NKAIN2: variants seen among roughly 807,000 people sequenced by gnomAD.
NKAIN2 encodes sodium/potassium transporting ATPase interacting 2.
NKAIN2 carries 14 observed loss-of-function variants against 32.6 expected under a neutral mutation model. The ratio of observed to expected loss-of-function variants is 0.43; its 90% CI spans 0.28 to 0.67. The LOEUF (loss-of-function observed/expected upper bound fraction) is 0.67. Ranked by LOEUF, NKAIN2 falls within the 30% of genes least tolerant of loss-of-function variation. The pLI is 0.17. For missense variants in NKAIN2, 198 were observed against 258.3 expected (o/e 0.77, Z 1.60); for synonymous variants, 80 against 87.2 (o/e 0.92, Z 0.46).
intron 3 of NKAIN2, among the ~76,000 whole-genome samples, chr6:124,473,647 A>G (rs776144286): frequency 1.8e-4 from 27 of 152,296 alleles, no homozygotes; most frequent in Non-Finnish European, 2.4e-4. Flanking sequence ...TGAAAATGCC[A>G]TGACAATTTT....
intron 1 of NKAIN2, among the ~76,000 whole-genome samples, chr6:124,028,786 C>CAT (rs750480985): frequency 1.3e-4 from 18 of 140,588 alleles, no homozygotes; most frequent in Middle Eastern, 3.9e-3. Flanking sequence ...CATATATACG[C>CAT]ATATACGTGT....
At chr6:124,085,910 G>C (rs983085775) in intron 1 of NKAIN2, among the ~76,000 whole-genome samples, 13 of 151,788 alleles carry the variant, frequency 8.6e-5, no homozygotes, top group Non-Finnish European at 1.6e-4. Context: ...TTTCTTAGAT[G>C]TAAGTACAAA....
intron 4 of NKAIN2, among the ~76,000 whole-genome samples, chr6:124,724,515 T>G (rs2114640406): frequency 6.6e-6 from 1 of 152,346 alleles, no homozygotes; most frequent in Non-Finnish European, 1.5e-5. Flanking sequence ...CCCTTTGTTC[T>G]AGTTCAGTCC....
At chr6:124,322,234 A>C (rs1237439996) in intron 2 of NKAIN2, among the ~76,000 whole-genome samples, 2 of 152,232 alleles carry the variant, frequency 1.3e-5, no homozygotes, top group Non-Finnish European at 2.9e-5. Context: ...ATGATTTAAA[A>C]AATAACTCTA....
At chr6:124,675,667 C>T (rs1773323328) in intron 4 of NKAIN2, among the ~76,000 whole-genome samples, 1 of 151,840 alleles carries the variant, frequency 6.6e-6, no homozygotes, top group Admixed American at 6.6e-5. Flanking sequence ...CTCTTATAAT[C>T]CTTTGTATTT....
chr6:124,503,967 G>A (rs78826135), intron 3 of NKAIN2, among the ~76,000 whole-genome samples: 2,189 of 152,134 alleles, frequency 0.014, 48 homozygotes, highest in African/African-American at 0.049. Context: ...ATATTCATCC[G>A]GCAGAAATGT....
chr6:124,187,371 T>G (rs546508498), intron 1 of NKAIN2, among the ~76,000 whole-genome samples: 1 of 152,294 alleles, frequency 6.6e-6, no homozygotes, highest in Admixed American at 6.5e-5. Flanking sequence ...TAGTTTAAAT[T>G]TTGGCATAGA....
At chr6:124,052,951 A>T (rs1246016241) in intron 1 of NKAIN2, among the ~76,000 whole-genome samples, 1 of 152,006 alleles carries the variant, frequency 6.6e-6, no homozygotes, top group African/African-American at 2.4e-5. Flanking sequence ...AACTGAAAAG[A>T]GAGGGAGAGT....
At chr6:123,817,069 AG>A (rs1178194094) in intron 1 of NKAIN2, among the ~76,000 whole-genome samples, 2 of 152,136 alleles carry the variant, frequency 1.3e-5, no homozygotes, top group Non-Finnish European at 2.9e-5. Context: ...AGATGAAAGG[AG>A]CTGGAACAGA....
At chr6:124,553,504 T>C (rs776294713) in intron 3 of NKAIN2, among the ~76,000 whole-genome samples, 2 of 152,014 alleles carry the variant, frequency 1.3e-5, no homozygotes, top group Admixed American at 6.6e-5. Context: ...ATGGGGTTTC[T>C]CCATGTTGGT....
intron 1 of NKAIN2, among the ~76,000 whole-genome samples, chr6:123,986,433 A>G (rs376854052): frequency 1.3e-5 from 2 of 152,258 alleles, no homozygotes; most frequent in African/African-American, 2.4e-5. Flanking sequence ...GCCCAGGTAT[A>G]TATACTGGGG....
intron 4 of NKAIN2, among the ~76,000 whole-genome samples, chr6:124,788,237 A>T (rs963973786): frequency 3.3e-5 from 5 of 152,098 alleles, no homozygotes; most frequent in African/African-American, 1.2e-4. Flanking sequence ...TATTGCCTCA[A>T]TTGTTGACAG....
intron 1 of NKAIN2, among the ~76,000 whole-genome samples, chr6:123,817,145 G>C (rs1221403524): frequency 6.6e-6 from 1 of 152,078 alleles, no homozygotes; most frequent in East Asian, 1.9e-4. Flanking sequence ...GAATAGAAAT[G>C]TTTGTTTAAT....
At chr6:124,055,267 A>G (rs1782592423) in intron 1 of NKAIN2, among the ~76,000 whole-genome samples, 1 of 152,060 alleles carries the variant, frequency 6.6e-6, no homozygotes, top group African/African-American at 2.4e-5. Flanking sequence ...GGCAGCATAA[A>G]ACGAATGCAT....
intron 1 of NKAIN2, among the ~76,000 whole-genome samples, chr6:124,023,268 G>T (rs1780955388): frequency 6.6e-6 from 1 of 151,668 alleles, no homozygotes; most frequent in Non-Finnish European, 1.5e-5. Flanking sequence ...ATGTATGTGG[G>T]TATATTCATG....
rs1271100335 is a variant in NKAIN2 at position 123,911,805 on chromosome 6, A to ATATATATATG, written c.54+107559_54+107560insTGTATATATA. ...TACATATATATATATATATATGTAT[A>ATATATATATG]TATATATACACACACACACACACAC... On this transcript the variant is annotated intron_variant, in intron 1 of 6. Coordinates refer to ENST00000368417, the MANE Select transcript of NKAIN2 (RefSeq NM_001040214.3). Among the ~76,000 whole-genome samples the ATATATATATG allele has an allele frequency of 5.3e-4, 54 of 102,626 alleles. 2 individuals are homozygous for ATATATATATG. Among genetic ancestry groups the ATATATATATG allele is most frequent in the East Asian group, 7.7e-4 (3 of 3,878 alleles). The allele number at this position is 102,626 out of a possible 152,430, so 67.3% of individuals were successfully genotyped here. A position where few individuals can be genotyped will look rare whatever the true frequency, so the allele number is the denominator to read the frequency against.
chr6:123,855,300 AAAAT>A (rs1482256664), intron 1 of NKAIN2, among the ~76,000 whole-genome samples: 3 of 152,202 alleles, frequency 2.0e-5, no homozygotes, highest in African/African-American at 7.2e-5. Flanking sequence ...CAAACAGTGA[AAAAT>A]ATTCTTGGCT....
intron 3 of NKAIN2, among the ~76,000 whole-genome samples, chr6:124,559,248 A>G (rs1013142631): frequency 6.6e-6 from 1 of 152,186 alleles, no homozygotes; most frequent in Non-Finnish European, 1.5e-5. Context: ...TGGATAATAT[A>G]TAAAATCCTG....
chr6:124,105,062 GC>G (rs987809556), intron 1 of NKAIN2, among the ~76,000 whole-genome samples: 1 of 152,178 alleles, frequency 6.6e-6, no homozygotes, highest in Admixed American at 6.5e-5. Context: ...TATAGGCAGG[GC>G]TGAACTCGTC....
Sources: allele counts gnomAD v4.1 joint callset (sites outside exome capture counted in the v4.1 genomes callset), GRCh38; gene constraint gnomAD v4.1.1; transcripts MANE v1.5; gene names NCBI Gene and HGNC (gene_info 2026-07-23, HGNC 2026-07-21).